The following ST3GAL2 variants were observed in gnomAD, a reference collection of about 807,000 sequenced individuals.
ST3GAL2 encodes the protein ST3 beta-galactoside alpha-2,3-sialyltransferase 2.
In ST3GAL2, 16 loss-of-function variants were observed where a neutral mutation model predicts 37.5. The ratio of observed to expected loss-of-function variants is 0.43; its 90% CI spans 0.29 to 0.65. The LOEUF is 0.65. Ranked by LOEUF, ST3GAL2 falls within the 30% of genes least tolerant of loss-of-function variation. ST3GAL2 has a pLI of 0.17. For synonymous variants in ST3GAL2, 238 were observed against 202.9 expected (o/e 1.17, Z -1.47); for missense variants, 383 against 487.8 (o/e 0.79, Z 2.02).
chr16:70,393,213 G>C lies in ST3GAL2; in HGVS notation c.533+1769C>G, dbSNP rs566216831. ...CAACCTCAGCCTCCCGAGTAGCTGGGATTATAGTTACCCACCACCACGCCC... is the reference window on the plus strand; with the variant it reads ...CAACCTCAGCCTCCCGAGTAGCTGGCATTATAGTTACCCACCACCACGCCC... On this transcript the variant is annotated intron_variant, in intron 3 of 6. Transcript: ENST00000342907. Among the ~76,000 whole-genome samples the C allele has an allele frequency of 1.4e-4, 21 of 152,074 alleles. No individual in the cohort carries two copies. The Middle Eastern group carries it at 0.01, about 74-fold the overall frequency.
At chr16:70,406,207 G>A (rs1315464499) in intron 1 of ST3GAL2, among the ~76,000 whole-genome samples, 2 of 152,170 alleles carry the variant, frequency 1.3e-5, no homozygotes, top group Admixed American at 6.5e-5. Context: ...ACTCTGGCAG[G>A]CCGAGGTGGG....
At position 70,389,184 on chromosome 16, in the gene ST3GAL2, G is replaced by A. The variant is rs376989798; in HGVS notation, c.534-638C>T. Among the ~76,000 whole-genome samples the A allele has an allele frequency of 8.2e-3, 659 of 80,416 alleles. 10 individuals are homozygous for A. The highest frequency in any genetic ancestry group is 0.052 in the Middle Eastern group (3 of 58). 52.8% of individuals were successfully genotyped at this position (80,416 alleles called of 152,430 possible). On this transcript the variant is annotated intron_variant, in intron 3 of 6. Transcript: ENST00000342907. The stretch of plus-strand genomic sequence containing the variant: ...CACGAGGTCAGGAGATCGAGACCAC[G>A]GTGAAACCCCATCTCTACAAAAAAA...
At chr16:70,428,235 G>C (rs183607651) in intron 1 of ST3GAL2, among the ~76,000 whole-genome samples, 8 of 152,334 alleles carry the variant, frequency 5.3e-5, no homozygotes, top group African/African-American at 1.9e-4. Flanking sequence ...GATGGGAAAG[G>C]GAGCTGGTGG....
chr16:70,416,072 A>G (rs1409851791), intron 1 of ST3GAL2, among the ~76,000 whole-genome samples: 2 of 151,986 alleles, frequency 1.3e-5, no homozygotes, highest in Admixed American at 6.6e-5. Context: ...CACCGAGCCC[A>G]GCTTCCAAGA....
intron 1 of ST3GAL2, among the ~76,000 whole-genome samples, chr16:70,416,655 T>C (rs186047101): frequency 2.1e-4 from 32 of 152,320 alleles, no homozygotes; most frequent in Non-Finnish European, 2.4e-4. Context: ...AGTATGCATA[T>C]GAAAGTGATA....
intron 1 of ST3GAL2, 150 bp from the exon 2 acceptor site, chr16:70,399,683 T>C: frequency 2.7e-6 from 1 of 371,464 alleles, no homozygotes; most frequent in Non-Finnish European, 4.8e-6. Context: ...GCCCTCTAGC[T>C]GCACAGATAG....
chr16:70,426,249 AGTGGC>A (rs1226331885), intron 1 of ST3GAL2, among the ~76,000 whole-genome samples: 1 of 130,888 alleles, frequency 7.6e-6, no homozygotes, highest in Non-Finnish European at 1.5e-5. Context: ...GCTGGAGTGC[AGTGGC>A]GCGATCTCGG....
intron 4 of ST3GAL2, among the ~76,000 whole-genome samples, chr16:70,383,726 GC>G (rs1251978767): frequency 2.0e-5 from 3 of 151,958 alleles, no homozygotes; most frequent in Non-Finnish European, 4.4e-5. Context: ...CCCACGCCAG[GC>G]CTGAGCAATG....
intron 1 of ST3GAL2, among the ~76,000 whole-genome samples, chr16:70,414,019 G>A (rs944598563): frequency 2.6e-5 from 4 of 152,182 alleles, no homozygotes; most frequent in Non-Finnish European, 5.9e-5. Context: ...CATGTTGAGT[G>A]TGGTGGGGGG....
chr16:70,411,391 A>T (rs565723785), intron 1 of ST3GAL2, among the ~76,000 whole-genome samples: 68 of 152,174 alleles, frequency 4.5e-4, no homozygotes, highest in East Asian at 7.7e-4. Context: ...AAATAAAAAA[A>T]AAAAAAGCAG....
At position 70,388,474 on chromosome 16, in the gene ST3GAL2, A is replaced by C. The variant is rs1341499773; in HGVS notation, c.606T>G (p.Pro202=). The change falls in exon 4 of 7, where the codon CCT becomes CCG. Residue 202 remains proline (P), a synonymous_variant. Coordinates refer to ENST00000342907, the MANE Select transcript of ST3GAL2 (RefSeq NM_006927.4). The part of the protein sequence containing the change: ...GSRTTHHFMY[P]ESAKNLPANV... ...TGGCGGGCAGGTTCTTGGCACTCTC[A>C]GGGTACATGAAATGGTGGGTGGTTC... 1.2e-6 allele frequency: 2 copies of C among 1,614,068 alleles called. No homozygotes were observed. Among genetic ancestry groups the C allele is most frequent in the Non-Finnish European group, 1.7e-6 (2 of 1,179,972 alleles).
At chr16:70,428,170 G>C (rs562101086) in intron 1 of ST3GAL2, among the ~76,000 whole-genome samples, 1 of 152,372 alleles carries the variant, frequency 6.6e-6, no homozygotes, top group African/African-American at 2.4e-5. Flanking sequence ...GTCAGGCTCA[G>C]AATGAGCTCA....
intron 3 of ST3GAL2, among the ~76,000 whole-genome samples, chr16:70,393,995 T>C (rs777638699): frequency 6.6e-6 from 1 of 152,048 alleles, no homozygotes; most frequent in Non-Finnish European, 1.5e-5. Context: ...AGGAGTCGGG[T>C]AGGAGGCATT....
intron 1 of ST3GAL2, among the ~76,000 whole-genome samples, chr16:70,406,332 C>T (rs1020281021): frequency 1.3e-5 from 2 of 151,940 alleles, no homozygotes; most frequent in East Asian, 1.9e-4. Context: ...CATGGTGAAA[C>T]CCCATCTCTA....
chr16:70,429,089 A>G (rs2047770561), intron 1 of ST3GAL2, among the ~76,000 whole-genome samples: 1 of 152,216 alleles, frequency 6.6e-6, no homozygotes, highest in African/African-American at 2.4e-5. Context: ...GGAACTGAGC[A>G]CAGCCCCCTC....
At chr16:70,418,650 G>C (rs1597572405) in intron 1 of ST3GAL2, among the ~76,000 whole-genome samples, 1 of 152,236 alleles carries the variant, frequency 6.6e-6, no homozygotes, top group East Asian at 1.9e-4. Context: ...GACCTTCACA[G>C]AACACGGGTC....
At position 70,379,219 on chromosome 16, in the gene ST3GAL2, T is replaced by C. The variant is rs1251384441; in HGVS notation, c.*2470A>G. 6.6e-6 allele frequency: 1 copy of C among 152,204 alleles called. No individual in the cohort carries two copies. Among genetic ancestry groups the C allele is most frequent in the African/African-American group, 2.4e-5 (1 of 41,454 alleles). 9.4% of individuals were successfully genotyped at this position (152,204 alleles called of 1,614,324 possible). ...GCCAAAGTGGTTACAGGACAGCCAC[T>C]GCGAGGAGCTGCTACCAGGAATCCT... On this transcript the variant is annotated 3_prime_UTR_variant, in exon 7 of 7. Transcript: ENST00000342907.
intron 1 of ST3GAL2, among the ~76,000 whole-genome samples, chr16:70,421,537 G>A (rs1014753723): frequency 3.3e-5 from 5 of 152,236 alleles, no homozygotes; most frequent in Non-Finnish European, 5.9e-5. Context: ...AGGACGCACA[G>A]ACCTTGGTCC....
chr16:70,429,246 C>T (rs113615531), intron 1 of ST3GAL2, among the ~76,000 whole-genome samples: 2 of 152,134 alleles, frequency 1.3e-5, no homozygotes, highest in African/African-American at 4.8e-5. Flanking sequence ...GTACTACCTC[C>T]CCACTCAGGC....
Sources: allele counts gnomAD v4.1 joint callset (sites outside exome capture counted in the v4.1 genomes callset), GRCh38; gene constraint gnomAD v4.1.1; transcripts MANE v1.5; gene names NCBI Gene and HGNC (gene_info 2026-07-23, HGNC 2026-07-21).